Variants in CUX1 observed in about 807,000 individuals in gnomAD.
CUX1 encodes the protein cut like homeobox 1.
In CUX1, 31 loss-of-function variants were observed where a neutral mutation model predicts 158.8. That is an observed-to-expected ratio of 0.20 (90% CI 0.15 to 0.26). The LOEUF is 0.26. Ranked by LOEUF, CUX1 falls within the 10% of genes least tolerant of loss-of-function variation. CUX1 has a pLI of 1.00. For missense variants in CUX1, 1,589 were observed against 2,014.6 expected (o/e 0.79, Z 4.04); for synonymous variants, 879 against 862.1 (o/e 1.02, Z -0.34).
Position 101,887,675 on chromosome 7 carries a change from T to A in CUX1, c.31-28440T>A, listed in dbSNP as rs1800370760. On this transcript the variant is annotated intron_variant, in intron 1 of 23. Coordinates refer to ENST00000292535, the MANE Select transcript of CUX1 (RefSeq NM_181552.4). ...GACACTGGCATCAGCATTGGGAGCA[T>A]TTCCGTGACCCCAGGGCTGCTGATA... 2.0e-5 allele frequency among the ~76,000 whole-genome samples: 3 copies of A among 151,926 alleles called. No individual in the cohort carries two copies. The South Asian group carries it at 6.2e-4, about 32-fold the overall frequency.
intron 22 of CUX1, among the ~76,000 whole-genome samples, chr7:102,236,085 C>T (rs1409620274): frequency 1.3e-5 from 2 of 152,232 alleles, no homozygotes; most frequent in African/African-American, 4.8e-5. Context: ...ATACGAACCT[C>T]GGTGCTTCAT....
intron 20 of CUX1, among the ~76,000 whole-genome samples, chr7:102,205,689 G>A (rs1238536191): frequency 1.3e-5 from 2 of 152,186 alleles, no homozygotes; most frequent in South Asian, 2.1e-4. Flanking sequence ...TGGAGAGCTG[G>A]GGACTGAGAT....
chr7:102,138,178 C>T (rs541462683), intron 8 of CUX1, among the ~76,000 whole-genome samples: 11 of 152,214 alleles, frequency 7.2e-5, no homozygotes, highest in South Asian at 6.2e-4. Context: ...AGTGAGATCC[C>T]GTCTCCAAAA....
At chr7:101,988,219 A>AAAG (rs376598679) in intron 2 of CUX1, among the ~76,000 whole-genome samples, 2 of 151,762 alleles carry the variant, frequency 1.3e-5, no homozygotes, top group Admixed American at 6.6e-5. Flanking sequence ...TCAAAAAAAA[A>AAAG]AAGAAGAAGA....
At chr7:102,202,921 A>G (rs1179555750) in intron 18 of CUX1, among the ~76,000 whole-genome samples, 1 of 152,196 alleles carries the variant, frequency 6.6e-6, no homozygotes, top group Non-Finnish European at 1.5e-5. Context: ...AATGAGGGTT[A>G]ACCGTGCCTG....
chr7:102,268,866 C>T (rs1031390827), intron 14 of CUX1, among the ~76,000 whole-genome samples: 1 of 151,842 alleles, frequency 6.6e-6, no homozygotes. Context: ...GAGACAGCAC[C>T]GCGCCACAAG....
intron 5 of CUX1, among the ~76,000 whole-genome samples, chr7:102,101,031 A>G (rs892322857): frequency 2.0e-5 from 3 of 152,152 alleles, no homozygotes; most frequent in African/African-American, 7.2e-5. Flanking sequence ...AGGAGGGGGC[A>G]TCCCAGACGT....
chr7:102,177,592 C>T (rs1338831047), intron 10 of CUX1, among the ~76,000 whole-genome samples: 2 of 151,998 alleles, frequency 1.3e-5, no homozygotes, highest in African/African-American at 4.8e-5. Context: ...CTCTGAGCCA[C>T]CCACTCTGCT....
Position 102,196,658 on chromosome 7 carries a change from A to C in CUX1, c.1247A>C (p.Asp416Ala). 4 of 1,579,610 alleles carry C rather than the reference A, an allele frequency of 2.5e-6. No individual in the cohort carries two copies. The highest frequency in any genetic ancestry group is 3.4e-6 in the Non-Finnish European group (4 of 1,161,134). Residue 416 changes from aspartate (D) to alanine (A), a missense_variant, in exon 15 of 24, where the codon GAC (aspartate) becomes GCC (alanine). Transcript: ENST00000292535. The part of the protein sequence containing the change: ...LSGSARRKGK[D>A]QPESRRPGSL... ...GGGTCAGCCAGGAGGAAAGGGAAAGACCAGCCTGAAAGTCGGCGCCCGGGA... is the reference window on the plus strand; with the variant it reads ...GGGTCAGCCAGGAGGAAAGGGAAAGCCCAGCCTGAAAGTCGGCGCCCGGGA...
chr7:102,100,874 T>C (rs1323639724), intron 5 of CUX1, among the ~76,000 whole-genome samples: 2 of 152,128 alleles, frequency 1.3e-5, no homozygotes, highest in South Asian at 2.1e-4. Flanking sequence ...GTCTGGGTAA[T>C]TGATGAAGAA....
intron 4 of CUX1, among the ~76,000 whole-genome samples, chr7:102,076,934 T>C (rs1186857089): frequency 2.0e-5 from 3 of 151,202 alleles, no homozygotes; most frequent in African/African-American, 7.3e-5. Flanking sequence ...CTCAGGAGGC[T>C]GCGGTGGGTG....
At chr7:101,939,846 G>T (rs749620956) in intron 2 of CUX1, among the ~76,000 whole-genome samples, 13 of 152,006 alleles carry the variant, frequency 8.6e-5, no homozygotes, top group Non-Finnish European at 1.5e-4. Flanking sequence ...ACTTTGGGAG[G>T]CCAAGGTGGG....
rs562826425 is a variant in CUX1 at position 102,170,120 on chromosome 7, T to C, written c.724-326T>C. 9.5e-4 allele frequency among the ~76,000 whole-genome samples: 145 copies of C among 152,314 alleles called. 3 individuals carry two copies. The South Asian group carries it at 0.026, about 27-fold the overall frequency. ...ATAAAATCTTCTTGGTCTATGAGAA[T>C]AGAAAGAAATTGAATCAAAAGACTC... On this transcript the variant is annotated intron_variant, in intron 9 of 23. Coordinates refer to ENST00000292535, the MANE Select transcript of CUX1 (RefSeq NM_181552.4).
At chr7:102,012,764 A>C (rs1318802660) in intron 2 of CUX1, among the ~76,000 whole-genome samples, 1 of 152,028 alleles carries the variant, frequency 6.6e-6, no homozygotes, top group Non-Finnish European at 1.5e-5. Flanking sequence ...TTAATGAAGG[A>C]ATGAATCAAT....
At chr7:101,862,142 A>G (rs1470726253) in intron 1 of CUX1, among the ~76,000 whole-genome samples, 3 of 152,068 alleles carry the variant, frequency 2.0e-5, no homozygotes, top group African/African-American at 7.2e-5. Context: ...GCCACCCCTA[A>G]TGTTTTGATT....
chr7:101,845,078 CTCTT>C (rs1322024871), intron 1 of CUX1, among the ~76,000 whole-genome samples: 4 of 152,088 alleles, frequency 2.6e-5, no homozygotes, highest in Admixed American at 6.6e-5. Context: ...TTTCTCTCCT[CTCTT>C]TATTTTTTCT....
intron 8 of CUX1, among the ~76,000 whole-genome samples, chr7:102,131,887 G>A (rs1833283011): frequency 1.3e-5 from 2 of 151,910 alleles, no homozygotes; most frequent in South Asian, 4.1e-4. Flanking sequence ...GGCTAGGCTG[G>A]TCTTGAACTC....
intron 4 of CUX1, among the ~76,000 whole-genome samples, chr7:102,077,528 TAAAAA>T (rs35999980): frequency 5.3e-5 from 6 of 113,946 alleles, no homozygotes; most frequent in Middle Eastern, 4.5e-3. Flanking sequence ...CCCATCTCTT[TAAAAA>T]AAAAAAAAAA....
At chr7:102,012,354 A>T (rs36118129) in intron 2 of CUX1, among the ~76,000 whole-genome samples, 57,223 of 151,568 alleles carry the variant, frequency 0.38, 11,319 homozygotes, top group Non-Finnish European at 0.4. Context: ...TGCCTGGCTA[A>T]TTTTTGTATT....
Sources: allele counts gnomAD v4.1 joint callset (sites outside exome capture counted in the v4.1 genomes callset), GRCh38; gene constraint gnomAD v4.1.1; transcripts MANE v1.5; gene names NCBI Gene and HGNC (gene_info 2026-07-23, HGNC 2026-07-21).